The following CMTM4 variants were observed in gnomAD, a reference collection of about 807,000 sequenced individuals.
CMTM4 encodes the protein CKLF like MARVEL transmembrane domain containing 4.
A neutral mutation model predicts 19.0 loss-of-function variants in CMTM4; 8 were observed. The ratio of observed to expected loss-of-function variants is 0.42; its 90% CI spans 0.25 to 0.76. The LOEUF (loss-of-function observed/expected upper bound fraction) is 0.76, where lower values mean the gene tolerates loss of function less well. CMTM4 is among the 30% of genes least tolerant of loss of function. The pLI is 0.27. For missense variants in CMTM4, 228 were observed against 290.2 expected (o/e 0.79, Z 1.56); for synonymous variants, 106 against 121.1 (o/e 0.88, Z 0.82).
chr16:66,612,119 C>G (rs2144757812), downstream of CMTM4, among the ~76,000 whole-genome samples: 1 of 152,250 alleles, frequency 6.6e-6, no homozygotes, highest in East Asian at 1.9e-4. This position sits in a 1 kb window ranked among gnomAD's most constrained non-coding sequence, Gnocchi z 6.0. Flanking sequence ...CCTGGAGGTG[C>G]AAGTGGCTTC....
intron 1 of CMTM4, among the ~76,000 whole-genome samples, chr16:66,666,671 G>A (rs1378952100): frequency 6.6e-6 from 1 of 152,132 alleles, no homozygotes; most frequent in African/African-American, 2.4e-5. Flanking sequence ...AGCCATTTTA[G>A]GGAAATGCAA....
Position 66,622,263 on chromosome 16 carries a change from CT to C in CMTM4, c.463-42del. On this transcript the variant is annotated intron_variant, in intron 3 of 3. Transcript: ENST00000394106. This position sits in a 1 kb window ranked among gnomAD's most constrained non-coding sequence, Gnocchi z 4.0. ...CACAGTTAGTCCTCGGGCACGTGGC[CT>C]GGCCCCTCAAGGCTTCTGTGGTGAC... 6.2e-7 allele frequency: 1 copy of C among 1,602,170 alleles called. No individual in the cohort carries two copies. Among genetic ancestry groups the C allele is most frequent in the Non-Finnish European group, 8.5e-7 (1 of 1,174,346 alleles).
chr16:66,651,203 GGCTCCTGGAGCCGGA>G (rs1229901612), intron 1 of CMTM4, among the ~76,000 whole-genome samples: 3 of 152,056 alleles, frequency 2.0e-5, no homozygotes, highest in Non-Finnish European at 4.4e-5. Flanking sequence ...TGTTAAGATG[GGCTCCTGGAGCCGGA>G]ACTACAGAAG....
intron 1 of CMTM4, among the ~76,000 whole-genome samples, chr16:66,664,445 T>C (rs1426829852): frequency 6.6e-6 from 1 of 152,150 alleles, no homozygotes; most frequent in African/African-American, 2.4e-5. Context: ...ATTTCAAGTA[T>C]GCATGATGGT....
intron 2 of CMTM4, among the ~76,000 whole-genome samples, chr16:66,628,642 C>T (rs1443656348): frequency 6.6e-6 from 1 of 152,184 alleles, no homozygotes; most frequent in South Asian, 2.1e-4. Flanking sequence ...CTCAGCAAAG[C>T]AATTGTTCAA....
At chr16:66,650,598 G>A (rs2016292361) in intron 1 of CMTM4, among the ~76,000 whole-genome samples, 1 of 151,978 alleles carries the variant, frequency 6.6e-6, no homozygotes, top group South Asian at 2.1e-4. Flanking sequence ...CTGGTCTTAG[G>A]GTATCAGGCA....
intron 1 of CMTM4, among the ~76,000 whole-genome samples, chr16:66,638,348 G>T (rs570157560): frequency 6.6e-6 from 1 of 152,168 alleles, no homozygotes; most frequent in East Asian, 1.9e-4. Flanking sequence ...GTCTTCAGGC[G>T]AATGGAAGAG....
chr16:66,686,081 T>C (rs1316559921), intron 1 of CMTM4, among the ~76,000 whole-genome samples: 1 of 151,586 alleles, frequency 6.6e-6, no homozygotes, highest in Non-Finnish European at 1.5e-5. Flanking sequence ...GGTGAAACCC[T>C]GTCTCTACTA....
chr16:66,670,907 T>C (rs2016693027), intron 1 of CMTM4, among the ~76,000 whole-genome samples: 1 of 152,176 alleles, frequency 6.6e-6, no homozygotes, highest in African/African-American at 2.4e-5. Context: ...AGTATGCGCA[T>C]GGGAACAAAG....
At chr16:66,646,235 C>T (rs1167913699) in intron 1 of CMTM4, among the ~76,000 whole-genome samples, 1 of 152,082 alleles carries the variant, frequency 6.6e-6, no homozygotes, top group African/African-American at 2.4e-5. Context: ...TTAAGCTAAA[C>T]AGTAAAAAAT....
chr16:66,636,312 T>C, intron 2 of CMTM4, 93 bp downstream of exon 2: 1 of 1,002,574 alleles, frequency 1.0e-6, no homozygotes, highest in Non-Finnish European at 1.5e-6. Flanking sequence ...CAAAATGAAC[T>C]AGAACCAAAC....
downstream of CMTM4, chr16:66,613,200 T>C: frequency 1.4e-6 from 1 of 695,216 alleles, no homozygotes. Flanking sequence ...GACCTTTGCC[T>C]TGTCGCCCAG....
At chr16:66,612,040 G>A (rs1004888964), downstream of CMTM4, among the ~76,000 whole-genome samples, 2 of 152,160 alleles carry the variant, frequency 1.3e-5, no homozygotes, top group African/African-American at 4.8e-5. The surrounding 1 kb of genome is among the most constrained non-coding windows in gnomAD (Gnocchi z 6.0). Context: ...GAGGGGCTGG[G>A]CCTGAGGAAG....
chr16:66,688,284 T>C (rs1215997676), intron 1 of CMTM4, among the ~76,000 whole-genome samples: 1 of 152,164 alleles, frequency 6.6e-6, no homozygotes, highest in Non-Finnish European at 1.5e-5. Context: ...TTTGGGGGAA[T>C]GCCAACATTC....
chr16:66,642,417 T>G (rs2016111876), intron 1 of CMTM4, among the ~76,000 whole-genome samples: 1 of 152,072 alleles, frequency 6.6e-6, no homozygotes, highest in African/African-American at 2.4e-5. Context: ...ATTTTAATAT[T>G]TGATAAGTAA....
At position 66,622,490 on chromosome 16, in the gene CMTM4, C is replaced by A. The variant is rs1402356652; in HGVS notation, c.463-268G>T. Among the ~76,000 whole-genome samples the A allele has an allele frequency of 6.6e-6, 1 of 152,210 alleles. No individual in the cohort carries two copies. The highest frequency in any genetic ancestry group is 1.5e-5 in the Non-Finnish European group (1 of 68,032). On this transcript the variant is annotated intron_variant, in intron 3 of 3. Transcript: ENST00000394106. The surrounding 1 kb of genome is among the most constrained non-coding windows in gnomAD (Gnocchi z 4.0). ...TGTGGCTGTCACACCACAGCTGAGT[C>A]TCTAGTCATGTGACACACAGAAAAT...
At chr16:66,608,365 C>T in the CMTM4 span, 1 of 1,614,224 alleles carries the variant, frequency 6.2e-7, no homozygotes, top group South Asian at 1.1e-5. This position sits in a 1 kb window ranked among gnomAD's most constrained non-coding sequence, Gnocchi z 5.1. Context: ...CTGCCTTCCT[C>T]ACAGCGCCTC....
chr16:66,626,351 C>G (rs544306926), intron 2 of CMTM4, among the ~76,000 whole-genome samples: 10 of 152,208 alleles, frequency 6.6e-5, no homozygotes, highest in Non-Finnish European at 1.5e-4. Flanking sequence ...CATCTGTAAT[C>G]CCAGCACTTT....
In CMTM4 at chr16:66,621,722, T is replaced by A; in HGVS notation, c.*336A>T. On this transcript the variant is annotated 3_prime_UTR_variant, in exon 4 of 4. Transcript: ENST00000394106. ...TCATTCCTTCATATTTCCCCCCTCT[T>A]AGCAGCCCCATTTAATCCAAAGTCT... 9.1e-7 allele frequency: 1 copy of A among 1,101,164 alleles called. No individual in the cohort carries two copies. Among genetic ancestry groups the A allele is most frequent in the East Asian group, 5.9e-5 (1 of 16,876 alleles). 68.2% of individuals were successfully genotyped at this position (1,101,164 alleles called of 1,614,324 possible).
Sources: gnomAD v4.1 joint callset for allele counts (sites outside exome capture counted in the v4.1 genomes callset) on GRCh38, gnomAD v4.1.1 for gene constraint, Gnocchi (gnomAD v3.1) non-coding constraint, MANE v1.5 for transcripts, NCBI Gene and HGNC (gene_info 2026-07-23, HGNC 2026-07-21) for gene names.